The following ATP10B variants were observed in gnomAD, a reference collection of about 807,000 sequenced individuals.
ATP10B encodes phospholipid-transporting ATPase VB.
A neutral mutation model predicts 141.2 loss-of-function variants in ATP10B; 122 were observed. The observed-to-expected ratio is 0.86, with a 90% CI of 0.75 to 1.00. ATP10B has a LOEUF of 1.00. Ranked by LOEUF, ATP10B falls within the 50% of genes least tolerant of loss-of-function variation. The pLI is 0.00. For missense variants in ATP10B, 1,876 were observed against 1,825.3 expected (o/e 1.03, Z -0.51); for synonymous variants, 685 against 692.0 (o/e 0.99, Z 0.16).
chr5:160,828,969 A>G lies in ATP10B; in HGVS notation c.-576+22972T>C, dbSNP rs551777250. Among the ~76,000 whole-genome samples the G allele has an allele frequency of 4.9e-4, 71 of 144,074 alleles. 1 individual carries two copies. Among genetic ancestry groups the G allele is most frequent in the Admixed American group, 1.8e-3 (25 of 13,934 alleles). The allele number at this position is 144,074 out of a possible 152,430, so 94.5% of individuals were successfully genotyped here. A position where few individuals can be genotyped will look rare whatever the true frequency, so the allele number is the denominator to read the frequency against. The stretch of plus-strand genomic sequence containing the variant: ...AACTAACGCAAGGACAAAAAACCAA[A>G]CACCGCATGTTCTCACTCATAGATG... On this transcript the variant is annotated intron_variant, in intron 1 of 25. Transcript: ENST00000327245.
intron 7 of ATP10B, among the ~76,000 whole-genome samples, chr5:160,668,980 C>T (rs1432782272): frequency 1.3e-5 from 2 of 152,208 alleles, no homozygotes; most frequent in African/African-American, 4.8e-5. Flanking sequence ...AAGTTTGAGT[C>T]TGGAAAACTG....
the ATP10B span, among the ~76,000 whole-genome samples, chr5:160,915,784 A>C: frequency 6.6e-6 from 1 of 152,204 alleles, no homozygotes; most frequent in Non-Finnish European, 1.5e-5. Context: ...TGGTGGGCAA[A>C]GAGGCAAAAC....
intron 2 of ATP10B, among the ~76,000 whole-genome samples, chr5:160,729,675 G>A (rs1766603409): frequency 6.6e-6 from 1 of 152,200 alleles, no homozygotes; most frequent in Non-Finnish European, 1.5e-5. Flanking sequence ...TCAATAGGTA[G>A]AGATAGGTCA....
intron 7 of ATP10B, among the ~76,000 whole-genome samples, chr5:160,652,157 G>GT (rs150550459): frequency 0.01 from 1,547 of 152,146 alleles, 19 homozygotes; most frequent in African/African-American, 0.035. Flanking sequence ...CTCCTGCTGT[G>GT]TCTCCTTTCC....
chr5:160,683,327 G>A (rs1763548787), intron 6 of ATP10B, among the ~76,000 whole-genome samples: 1 of 152,168 alleles, frequency 6.6e-6, no homozygotes, highest in African/African-American at 2.4e-5. Flanking sequence ...GAGACAAGAA[G>A]CTCATTTGCT....
intron 2 of ATP10B, among the ~76,000 whole-genome samples, chr5:160,733,602 CAT>C (rs1449227401): frequency 9.9e-5 from 15 of 151,502 alleles, no homozygotes; most frequent in African/African-American, 2.7e-4. Flanking sequence ...ATATACGTTA[CAT>C]ATATGTCACA....
chr5:160,836,053 C>T (rs537002177), intron 1 of ATP10B, among the ~76,000 whole-genome samples: 69 of 151,780 alleles, frequency 4.5e-4, no homozygotes, highest in Non-Finnish European at 9.0e-4. Flanking sequence ...ATAAAGTGTT[C>T]GCATGGACAT....
chr5:160,739,653 G>A (rs931387080), intron 2 of ATP10B, among the ~76,000 whole-genome samples: 6 of 152,158 alleles, frequency 3.9e-5, no homozygotes, highest in African/African-American at 7.2e-5. Flanking sequence ...CACAGAGACC[G>A]TGCCCTGGAG....
At chr5:160,780,352 A>G (rs1770632484) in intron 2 of ATP10B, among the ~76,000 whole-genome samples, 1 of 130,964 alleles carries the variant, frequency 7.6e-6, no homozygotes, top group Non-Finnish European at 1.7e-5. Context: ...GTGATTTCAT[A>G]GAACATAATT....
At chr5:160,708,359 T>C (rs1765144594) in intron 3 of ATP10B, among the ~76,000 whole-genome samples, 1 of 152,188 alleles carries the variant, frequency 6.6e-6, no homozygotes, top group Non-Finnish European at 1.5e-5. Context: ...TGTCCTTTCA[T>C]GAGAGAGCCA....
intron 16 of ATP10B, 80 bp from the exon 17 acceptor site, chr5:160,616,044 C>T: frequency 6.6e-7 from 1 of 1,505,774 alleles, no homozygotes; most frequent in Non-Finnish European, 9.0e-7. Context: ...CCTGCTGGGT[C>T]TCCTATTGGC....
At chr5:160,718,444 C>T (rs1765784437) in intron 2 of ATP10B, among the ~76,000 whole-genome samples, 2 of 152,166 alleles carry the variant, frequency 1.3e-5, no homozygotes, top group African/African-American at 4.8e-5. Flanking sequence ...TTGTGTTGCT[C>T]TAACAATACC....
intron 22 of ATP10B, 79 bp from the exon 23 acceptor site, chr5:160,591,218 G>A (rs1756272674): frequency 1.7e-6 from 2 of 1,206,152 alleles, no homozygotes; most frequent in South Asian, 1.3e-5. Flanking sequence ...CTTGCATGTG[G>A]CTGCGACAGA....
At chr5:160,721,537 T>G (rs1766000077) in intron 2 of ATP10B, among the ~76,000 whole-genome samples, 1 of 152,158 alleles carries the variant, frequency 6.6e-6, no homozygotes, top group Non-Finnish European at 1.5e-5. Context: ...ATCATTATCT[T>G]TAAAGTTTCA....
At chr5:160,892,711 G>A in the ATP10B span, among the ~76,000 whole-genome samples, 8 of 152,120 alleles carry the variant, frequency 5.3e-5, no homozygotes, top group Middle Eastern at 3.2e-3. Flanking sequence ...AATTCCACAG[G>A]CAAGTAAAAA....
rs897863239 is a variant in ATP10B, at chr5:160,736,393, T to C, written c.-330-19359A>G. 3.3e-5 allele frequency among the ~76,000 whole-genome samples: 5 copies of C among 152,144 alleles called. No individual in the cohort carries two copies. In the East Asian group the frequency reaches 7.7e-4, roughly 23 times the overall value. Reference sequence around the variant, plus strand: ...AGCAAATTTCTAGACACATACAACCTACCAAGACTGAACGAGAAAGAAATG... The same window carrying C: ...AGCAAATTTCTAGACACATACAACCCACCAAGACTGAACGAGAAAGAAATG... On this transcript the variant is annotated intron_variant, in intron 2 of 25. Coordinates refer to ENST00000327245, the MANE Select transcript of ATP10B (RefSeq NM_025153.3).
chr5:160,752,301 T>A (rs527792568), intron 2 of ATP10B, among the ~76,000 whole-genome samples: 106 of 152,188 alleles, frequency 7.0e-4, no homozygotes, highest in African/African-American at 2.5e-3. Context: ...CATAGTGGAT[T>A]ACCCTAAAGT....
chr5:160,606,226 C>T (rs552398898), intron 19 of ATP10B, among the ~76,000 whole-genome samples: 1 of 152,062 alleles, frequency 6.6e-6, no homozygotes, highest in African/African-American at 2.4e-5. Flanking sequence ...AAGTTTAGCC[C>T]CCTCTGAAAA....
At chr5:160,691,875 C>A (rs940248936) in intron 3 of ATP10B, 1 of 152,176 alleles carries the variant, frequency 6.6e-6, no homozygotes, top group Non-Finnish European at 1.5e-5. Context: ...CAAAAGCAAC[C>A]TTATAACATT....
Sources: allele counts gnomAD v4.1 joint callset (sites outside exome capture counted in the v4.1 genomes callset), GRCh38; gene constraint gnomAD v4.1.1; transcripts MANE v1.5; gene names NCBI Gene and HGNC (gene_info 2026-07-23, HGNC 2026-07-21).